The following ATP2B2 variants were observed in gnomAD, a reference collection of about 807,000 sequenced individuals.
ATP2B2 encodes the protein ATPase plasma membrane Ca2+ transporting 2, also known as plasma membrane calcium-transporting ATPase 2.
Under a neutral mutation model 120.0 loss-of-function variants are expected in ATP2B2, and 15 were observed. That is an observed-to-expected ratio of 0.12 (90% CI 0.08 to 0.19). ATP2B2 has a LOEUF of 0.19. ATP2B2 is among the 10% of genes least tolerant of loss of function. ATP2B2 has a pLI of 1.00. For synonymous variants in ATP2B2, 694 were observed against 700.3 expected (o/e 0.99, Z 0.14); for missense variants, 1,045 against 1,719.8 (o/e 0.61, Z 6.94).
Position 10,601,404 on chromosome 3 carries a change from G to C in ATP2B2, c.-415+18513C>G, listed in dbSNP as rs569380038. Among the ~76,000 whole-genome samples the C allele has an allele frequency of 3.3e-5, 5 of 152,272 alleles. 1 individual carries two copies. The South Asian group carries it at 1.0e-3, about 32-fold the overall frequency. ...AACCCCCTGAGTGGAGGAATAACAC[G>C]GGGAGGGAGGCCTTGCCTGAGTCAG... On this transcript the variant is annotated intron_variant, in intron 2 of 21. Transcript: ENST00000646379.
intron 12 of ATP2B2, among the ~76,000 whole-genome samples, chr3:10,369,307 C>A (rs79924574): frequency 6.6e-6 from 1 of 152,194 alleles, no homozygotes; most frequent in Admixed American, 6.5e-5. Flanking sequence ...AGGGGAGCCC[C>A]TGAGAGGCTT....
At chr3:10,657,799 C>T (rs538237254) in intron 1 of ATP2B2, among the ~76,000 whole-genome samples, 5 of 152,362 alleles carry the variant, frequency 3.3e-5, no homozygotes, top group South Asian at 2.1e-4. Context: ...AGACTGCCTC[C>T]TCAAGTGGGT....
chr3:10,683,531 C>T (rs2071432506), intron 1 of ATP2B2, among the ~76,000 whole-genome samples: 1 of 151,312 alleles, frequency 6.6e-6, no homozygotes, highest in African/African-American at 2.4e-5. Flanking sequence ...CAAAGCAGTC[C>T]CCAAGAGAGG....
chr3:10,651,195 T>G lies in ATP2B2; in HGVS notation c.-459-31234A>C, dbSNP rs550170698. ...ATAAATTAAGACTTTGGGGGACTGT[T>G]GAGAAGGCATGATTGGTTTTGAAAT... is the stretch of plus-strand genomic sequence containing the variant. On this transcript the variant is annotated intron_variant, in intron 1 of 21. Transcript: ENST00000646379. Among the ~76,000 whole-genome samples the G allele has an allele frequency of 8.5e-5, 13 of 152,324 alleles. No individual in the cohort carries two copies. The South Asian group carries it at 1.2e-3, about 15-fold the overall frequency.
At position 10,401,791 on chromosome 3, in the gene ATP2B2, C is replaced by T. The variant is rs149316978; in HGVS notation, c.655+300G>A. Among the ~76,000 whole-genome samples, 190 of 152,326 alleles carry T rather than the reference C, an allele frequency of 1.2e-3. 7 individuals carry two copies. In the South Asian group the frequency reaches 0.028, roughly 22 times the overall value. On this transcript the variant is annotated intron_variant, in intron 4 of 22. Transcript: ENST00000360273. ...GAGTGCTGTGCTGAGAAGGCTTCTGCGGCTGTATCCAGGCTCTGAGCTGTG... is the reference window on the plus strand; with the variant it reads ...GAGTGCTGTGCTGAGAAGGCTTCTGTGGCTGTATCCAGGCTCTGAGCTGTG...
chr3:10,584,362 G>A (rs1280620268), intron 2 of ATP2B2, among the ~76,000 whole-genome samples: 1 of 152,184 alleles, frequency 6.6e-6, no homozygotes, highest in Non-Finnish European at 1.5e-5. Context: ...AGTTCAGAGA[G>A]GGCTTTACCT....
intron 2 of ATP2B2, among the ~76,000 whole-genome samples, chr3:10,447,878 G>C (rs148646334): frequency 2.0e-4 from 30 of 152,374 alleles, no homozygotes; most frequent in African/African-American, 7.0e-4. Flanking sequence ...GTGAGAAAAG[G>C]TGTTTCTAAA....
chr3:10,670,167 A>G (rs1179659668), intron 1 of ATP2B2, among the ~76,000 whole-genome samples: 1 of 152,230 alleles, frequency 6.6e-6, no homozygotes, highest in Non-Finnish European at 1.5e-5. Flanking sequence ...GAGGTCGAGT[A>G]TGTATTCCAG....
intron 1 of ATP2B2, among the ~76,000 whole-genome samples, chr3:10,501,209 A>G (rs4437123): frequency 0.99 from 150,265 of 152,200 alleles, 74,185 homozygotes; most frequent in East Asian, 1. Context: ...GAGATTTCCT[A>G]GACTGTGAAT....
intron 1 of ATP2B2, among the ~76,000 whole-genome samples, chr3:10,467,689 C>A (rs916261686): frequency 6.6e-6 from 1 of 152,140 alleles, no homozygotes; most frequent in South Asian, 2.1e-4. Flanking sequence ...TGCTGTGTAC[C>A]GAGCCCCAGC....
At chr3:10,484,419 TG>T (rs2065546282) in intron 1 of ATP2B2, among the ~76,000 whole-genome samples, 2 of 152,100 alleles carry the variant, frequency 1.3e-5, no homozygotes, top group Admixed American at 1.3e-4. Context: ...GTGAGGATCC[TG>T]GGGATGCCCT....
At chr3:10,606,421 C>G (rs1252856958) in intron 2 of ATP2B2, among the ~76,000 whole-genome samples, 13 of 152,152 alleles carry the variant, frequency 8.5e-5, no homozygotes, top group Non-Finnish European at 1.8e-4. Flanking sequence ...TCCGCACCAT[C>G]TAACCCCAAG....
exon 1 of ATP2B2, chr3:10,707,994 G>GC (rs1469833608): frequency 6.8e-6 from 1 of 146,320 alleles, no homozygotes; most frequent in East Asian, 2.0e-4. Context: ...GCCCGGCCCG[G>GC]CCCCGCTGCG....
intron 2 of ATP2B2, among the ~76,000 whole-genome samples, chr3:10,604,941 T>G (rs1345490471): frequency 1.3e-5 from 2 of 152,222 alleles, no homozygotes; most frequent in African/African-American, 4.8e-5. Context: ...GTTCTGAGCT[T>G]TAGCCCCTGC....
intron 2 of ATP2B2, among the ~76,000 whole-genome samples, chr3:10,430,831 G>C (rs2063292791): frequency 6.6e-6 from 1 of 151,478 alleles, no homozygotes; most frequent in Admixed American, 6.6e-5. Context: ...TTTCCCTGGG[G>C]TTGGCCACAG....
chr3:10,486,478 C>T (rs982092832), intron 1 of ATP2B2, among the ~76,000 whole-genome samples: 1 of 151,974 alleles, frequency 6.6e-6, no homozygotes, highest in African/African-American at 2.4e-5. Context: ...TACCTCTCTC[C>T]CCTTCACACA....
At chr3:10,486,086 T>G (rs1575378984) in intron 1 of ATP2B2, among the ~76,000 whole-genome samples, 1 of 152,126 alleles carries the variant, frequency 6.6e-6, no homozygotes, top group Non-Finnish European at 1.5e-5. Context: ...AGTGGCCAGG[T>G]CAGCATGCTT....
intron 2 of ATP2B2, among the ~76,000 whole-genome samples, chr3:10,577,709 T>C (rs1311359773): frequency 6.6e-6 from 1 of 152,188 alleles, no homozygotes; most frequent in Non-Finnish European, 1.5e-5. Flanking sequence ...CAATCTTTCT[T>C]GGCAAGCTCA....
intron 2 of ATP2B2, among the ~76,000 whole-genome samples, chr3:10,448,890 C>T (rs754515698): frequency 2.6e-5 from 4 of 152,316 alleles, no homozygotes; most frequent in Non-Finnish European, 5.9e-5. Flanking sequence ...AGGACCGGGC[C>T]TGCATGGTTG....
Sources: allele counts gnomAD v4.1 joint callset (sites outside exome capture counted in the v4.1 genomes callset), GRCh38; gene constraint gnomAD v4.1.1; transcripts MANE v1.5; gene names NCBI Gene and HGNC (gene_info 2026-07-23, HGNC 2026-07-21).